VAMP4: variants seen among roughly 807,000 people sequenced by gnomAD.
The protein encoded by VAMP4 is vesicle associated membrane protein 4.
Under a neutral mutation model 23.5 loss-of-function variants are expected in VAMP4, and 19 were observed. The observed-to-expected ratio is 0.81, with a 90% CI of 0.56 to 1.19. VAMP4 has a LOEUF of 1.19. Ranked by LOEUF, VAMP4 falls within the 50% of genes most tolerant of loss-of-function variation. The pLI, the probability that VAMP4 is intolerant of heterozygous loss-of-function variation, is 0.00. For synonymous variants in VAMP4, 31 were observed against 51.0 expected (o/e 0.61, Z 1.67); for missense variants, 145 against 168.6 (o/e 0.86, Z 0.78).
chr1:171,722,043 G>T (rs973652419), intron 3 of VAMP4, among the ~76,000 whole-genome samples: 7 of 152,108 alleles, frequency 4.6e-5, no homozygotes, highest in African/African-American at 1.7e-4. Context: ...CATGGTACTG[G>T]TACCAAAACA....
chr1:171,701,557 T>C lies in VAMP4; in HGVS notation c.*2949A>G, dbSNP rs904189840. 2.6e-5 allele frequency: 4 copies of C among 152,184 alleles called. No individual in the cohort carries two copies. The highest frequency in any genetic ancestry group is 5.9e-5 in the Non-Finnish European group (4 of 68,002). The allele number at this position is 152,184 out of a possible 1,614,324, so 9.4% of individuals were successfully genotyped here. A position where few individuals can be genotyped will look rare whatever the true frequency, so the allele number is the denominator to read the frequency against. On this transcript the variant is annotated 3_prime_UTR_variant, in exon 8 of 8. Coordinates refer to ENST00000236192, the MANE Select transcript of VAMP4 (RefSeq NM_003762.5). The stretch of plus-strand genomic sequence containing the variant: ...TCACATACTATACAGAATTGAAAGA[T>C]GCCAATTTTTGCTATCAAAAGTGCT...
At chr1:171,715,118 G>A (rs1373036232) in intron 4 of VAMP4, among the ~76,000 whole-genome samples, 1 of 152,120 alleles carries the variant, frequency 6.6e-6, no homozygotes, top group Non-Finnish European at 1.5e-5. Context: ...TGTGGGTGAA[G>A]GAATTGGGAA....
chr1:171,725,889 T>C (rs1400736251), intron 3 of VAMP4, among the ~76,000 whole-genome samples: 1 of 152,018 alleles, frequency 6.6e-6, no homozygotes, highest in Non-Finnish European at 1.5e-5. Flanking sequence ...CGTTTCACTG[T>C]GTTGGCCAGG....
chr1:171,728,718 G>A (rs1485064940), intron 2 of VAMP4, 148 bp from the exon 3 acceptor site: 3 of 710,890 alleles, frequency 4.2e-6, no homozygotes, highest in Admixed American at 6.1e-5. Context: ...ATCCTTCACT[G>A]GAAGCTAAAA....
At chr1:171,728,655 C>T in intron 2 of VAMP4, 85 bp from the exon 3 acceptor site, 1 of 1,318,982 alleles carries the variant, frequency 7.6e-7, no homozygotes, top group Non-Finnish European at 1.0e-6. Flanking sequence ...AAGTCCTATA[C>T]TAGTGAAATT....
chr1:171,703,292 A>G lies in VAMP4; in HGVS notation c.*1214T>C, dbSNP rs548977806. 6.6e-6 allele frequency: 1 copy of G among 151,100 alleles called. No homozygotes were observed. Among genetic ancestry groups the G allele is most frequent in the Non-Finnish European group, 1.5e-5 (1 of 67,596 alleles). The allele number at this position is 151,100 out of a possible 1,614,324, so 9.4% of individuals were successfully genotyped here. On this transcript the variant is annotated 3_prime_UTR_variant, in exon 8 of 8. Coordinates refer to ENST00000236192, the MANE Select transcript of VAMP4 (RefSeq NM_003762.5). ...GTTTAAAAGACACAAGGAGGTTGGC[A>G]TATTTTAAAGTTAACACATTTTTTC...
chr1:171,738,272 TTTC>T, intron 2 of VAMP4, 74 bp downstream of exon 2: 1 of 1,561,448 alleles, frequency 6.4e-7, no homozygotes, highest in Non-Finnish European at 8.8e-7. Context: ...CCGGATGGTT[TTTC>T]TTCTATTATT....
intron 2 of VAMP4, among the ~76,000 whole-genome samples, chr1:171,728,870 T>G (rs555300297): frequency 6.6e-6 from 1 of 152,286 alleles, no homozygotes; most frequent in East Asian, 1.9e-4. Flanking sequence ...GCAAGTCCCC[T>G]CTCCTTCCTT....
chr1:171,727,692 C>T (rs1335844440), intron 3 of VAMP4, among the ~76,000 whole-genome samples: 1 of 152,148 alleles, frequency 6.6e-6, no homozygotes, highest in Non-Finnish European at 1.5e-5. Context: ...GTAGAAACAA[C>T]CCAAAAATCC....
In VAMP4 at chr1:171,701,527, G is replaced by A. The variant is rs917180283; in HGVS notation, c.*2979C>T. 1 of 152,112 alleles carries A rather than the reference G, an allele frequency of 6.6e-6. No individual in the cohort carries two copies. The highest frequency in any genetic ancestry group is 1.5e-5 in the Non-Finnish European group (1 of 67,998). 9.4% of individuals were successfully genotyped at this position (152,112 alleles called of 1,614,324 possible). ...TCTGTACACATATTATCATTTACAG[G>A]ATAGTCACATACTATACAGAATTGA... On this transcript the variant is annotated 3_prime_UTR_variant, in exon 8 of 8. Coordinates refer to ENST00000236192, the MANE Select transcript of VAMP4 (RefSeq NM_003762.5).
intron 7 of VAMP4, among the ~76,000 whole-genome samples, chr1:171,705,503 G>A (rs1654620546): frequency 6.6e-6 from 1 of 152,152 alleles, no homozygotes; most frequent in Non-Finnish European, 1.5e-5. Flanking sequence ...ACCTCAGCTA[G>A]GGATGTGTGG....
intron 4 of VAMP4, among the ~76,000 whole-genome samples, chr1:171,718,661 A>C (rs1318629266): frequency 6.6e-6 from 1 of 152,198 alleles, no homozygotes; most frequent in Non-Finnish European, 1.5e-5. Context: ...CATGCAGTAC[A>C]TCAACAAATT....
At chr1:171,717,415 T>A (rs1411761570) in intron 4 of VAMP4, among the ~76,000 whole-genome samples, 2 of 152,166 alleles carry the variant, frequency 1.3e-5, no homozygotes, top group African/African-American at 2.4e-5. Flanking sequence ...CATGAGAGAA[T>A]GAGTGGCTCA....
rs2124844155 is a variant in VAMP4 at position 171,713,165 on chromosome 1, C to T, written c.165-2351G>A. 1.3e-5 allele frequency among the ~76,000 whole-genome samples: 2 copies of T among 152,184 alleles called. 1 individual carries two copies. Among genetic ancestry groups the T allele is most frequent in the South Asian group, 4.1e-4 (2 of 4,822 alleles). On this transcript the variant is annotated intron_variant, in intron 4 of 7. Transcript: ENST00000236192. ...TAAATGAACAGTTTGAGTATAAATCCTATAAAGCATATCCAGCTACTTGAG... is the reference window on the plus strand; with the variant it reads ...TAAATGAACAGTTTGAGTATAAATCTTATAAAGCATATCCAGCTACTTGAG...
At chr1:171,726,667 G>C (rs571229521) in intron 3 of VAMP4, among the ~76,000 whole-genome samples, 1 of 151,964 alleles carries the variant, frequency 6.6e-6, no homozygotes, top group African/African-American at 2.4e-5. Flanking sequence ...ACTTAAAAAG[G>C]GATTGTAGGC....
At chr1:171,713,933 C>T (rs1654944249) in intron 4 of VAMP4, among the ~76,000 whole-genome samples, 1 of 152,164 alleles carries the variant, frequency 6.6e-6, no homozygotes, top group Non-Finnish European at 1.5e-5. Flanking sequence ...GTATCATAAA[C>T]CTACAAGTAT....
intron 2 of VAMP4, among the ~76,000 whole-genome samples, chr1:171,730,781 A>G (rs1162552839): frequency 6.6e-6 from 1 of 152,174 alleles, no homozygotes; most frequent in Non-Finnish European, 1.5e-5. Flanking sequence ...TCAATCTAGC[A>G]TAAGGGAAGG....
intron 3 of VAMP4, among the ~76,000 whole-genome samples, chr1:171,727,140 T>G (rs867549448): frequency 4.7e-5 from 7 of 149,430 alleles, no homozygotes; most frequent in Non-Finnish European, 7.4e-5. Context: ...CTTGGGAGGC[T>G]GAGGCGAGAA....
intron 6 of VAMP4, 119 bp downstream of exon 6, chr1:171,709,546 A>T (rs1197799476): frequency 1.3e-6 from 1 of 798,636 alleles, no homozygotes; most frequent in Non-Finnish European, 2.0e-6. Context: ...ACCATGTCTC[A>T]GGACAGTTAT....
Sources: allele counts gnomAD v4.1 joint callset (sites outside exome capture counted in the v4.1 genomes callset), GRCh38; gene constraint gnomAD v4.1.1; transcripts MANE v1.5; gene names NCBI Gene and HGNC (gene_info 2026-07-23, HGNC 2026-07-21).